Variants in CDH12 observed in about 807,000 individuals in gnomAD.
The protein encoded by CDH12 is cadherin-12.
Under a neutral mutation model 74.1 loss-of-function variants are expected in CDH12, and 41 were observed. The observed-to-expected ratio is 0.55, with a 90% confidence interval of 0.43 to 0.72. The LOEUF (loss-of-function observed/expected upper bound fraction) is 0.72. CDH12 is among the 30% of genes least tolerant of loss of function. The pLI is 0.00. For synonymous variants in CDH12, 399 were observed against 355.0 expected (o/e 1.12, Z -1.39); for missense variants, 945 against 977.2 (o/e 0.97, Z 0.44).
At chr5:22,643,754 TTTTTTTC>T (rs1201903255) in intron 1 of CDH12, among the ~76,000 whole-genome samples, 5 of 139,118 alleles carry the variant, frequency 3.6e-5, no homozygotes, top group Admixed American at 7.6e-5. Context: ...TTTTTTTTTT[TTTTTTTC>T]CACAAATTGA....
At chr5:22,669,967 AT>A (rs1262997776) in intron 1 of CDH12, among the ~76,000 whole-genome samples, 1 of 152,050 alleles carries the variant, frequency 6.6e-6, no homozygotes, top group Non-Finnish European at 1.5e-5. Context: ...TCATGCATTG[AT>A]TTTCACTCTT....
chr5:22,793,031 T>C (rs1315619954), intron 1 of CDH12, among the ~76,000 whole-genome samples: 1 of 152,176 alleles, frequency 6.6e-6, no homozygotes, highest in Non-Finnish European at 1.5e-5. Context: ...TACCCAGAAA[T>C]GACAAGACAC....
chr5:22,628,629 A>G (rs777719592), intron 1 of CDH12, among the ~76,000 whole-genome samples: 6 of 152,080 alleles, frequency 3.9e-5, no homozygotes, highest in Non-Finnish European at 8.8e-5. Context: ...AGCGCTAAAC[A>G]CCAGTGTCAT....
At chr5:22,295,774 C>A (rs1046464342) in intron 3 of CDH12, among the ~76,000 whole-genome samples, 22 of 151,922 alleles carry the variant, frequency 1.4e-4, no homozygotes, top group Non-Finnish European at 3.1e-4. Flanking sequence ...GTAGTATAGG[C>A]TATATGAAAT....
intron 9 of CDH12, among the ~76,000 whole-genome samples, chr5:21,809,289 A>G (rs926472548): frequency 6.6e-6 from 1 of 152,120 alleles, no homozygotes; most frequent in African/African-American, 2.4e-5. Context: ...AAACAAAACA[A>G]AAAAGAATTG....
chr5:22,350,076 A>C (rs1300698776), intron 3 of CDH12, among the ~76,000 whole-genome samples: 1 of 152,214 alleles, frequency 6.6e-6, no homozygotes, highest in South Asian at 2.1e-4. Context: ...AGTTGAAATA[A>C]ATTGAGCTAT....
chr5:22,689,615 A>T (rs1741978816), intron 1 of CDH12, among the ~76,000 whole-genome samples: 1 of 91,804 alleles, frequency 1.1e-5, no homozygotes, highest in Non-Finnish European at 2.3e-5. Flanking sequence ...TTAGTAAAAC[A>T]GGAAAAAAAG....
In CDH12 at chr5:21,996,098, C is replaced by T. The variant is rs1284547772; in HGVS notation, c.232-20713G>A. 9.0e-5 allele frequency among the ~76,000 whole-genome samples: 13 copies of T among 144,306 alleles called. 1 individual carries two copies. Among genetic ancestry groups the T allele is most frequent in the Admixed American group, 7.6e-4 (11 of 14,450 alleles). The allele number at this position is 144,306 out of a possible 152,430, so 94.7% of individuals were successfully genotyped here. ...GTCGGCTCAGGTACTTATAAGTTCACACACACGTTTTTTTTTTTTTTTTTT... is the reference window on the plus strand; with the variant it reads ...GTCGGCTCAGGTACTTATAAGTTCATACACACGTTTTTTTTTTTTTTTTTT... On this transcript the variant is annotated intron_variant, in intron 5 of 14. Transcript: ENST00000382254.
intron 1 of CDH12, among the ~76,000 whole-genome samples, chr5:22,602,201 T>G (rs1477030678): frequency 1.3e-5 from 2 of 152,224 alleles, no homozygotes; most frequent in South Asian, 4.1e-4. Flanking sequence ...TTCTCTCACC[T>G]ATGACTTCCT....
intron 1 of CDH12, among the ~76,000 whole-genome samples, chr5:22,575,347 T>C (rs1739730799): frequency 2.0e-5 from 3 of 152,148 alleles, no homozygotes; most frequent in African/African-American, 7.2e-5. Flanking sequence ...TTTTGTGTAC[T>C]CTGGGCTGAG....
At chr5:22,499,387 T>C (rs1469361289) in intron 2 of CDH12, among the ~76,000 whole-genome samples, 1 of 152,180 alleles carries the variant, frequency 6.6e-6, no homozygotes, top group Non-Finnish European at 1.5e-5. Context: ...TAATCAGTCT[T>C]AGTTTACATG....
chr5:22,531,761 C>T (rs1737590367), intron 1 of CDH12, among the ~76,000 whole-genome samples: 1 of 152,130 alleles, frequency 6.6e-6, no homozygotes, highest in Non-Finnish European at 1.5e-5. Context: ...CAACTGGTAC[C>T]TTCCAATGTA....
intron 6 of CDH12, among the ~76,000 whole-genome samples, chr5:21,893,971 A>C (rs1002752225): frequency 6.6e-6 from 1 of 152,224 alleles, no homozygotes; most frequent in East Asian, 1.9e-4. Context: ...TGAAGAAACC[A>C]TTTACAGTAT....
chr5:22,013,862 C>T (rs1253838853), intron 5 of CDH12, among the ~76,000 whole-genome samples: 2 of 151,814 alleles, frequency 1.3e-5, no homozygotes, highest in East Asian at 1.9e-4. Context: ...ACATTGGCTT[C>T]TAGAAAAAAA....
intron 1 of CDH12, among the ~76,000 whole-genome samples, chr5:22,685,898 A>C (rs1170684732): frequency 1.3e-5 from 2 of 152,094 alleles, no homozygotes; most frequent in African/African-American, 4.8e-5. Flanking sequence ...TTTATTTTTC[A>C]TATATATGCT....
intron 3 of CDH12, among the ~76,000 whole-genome samples, chr5:22,260,038 A>ATACTATCAAATACCAACTCTGGTGG (rs1202246567): frequency 6.6e-6 from 1 of 152,088 alleles, no homozygotes; most frequent in Non-Finnish European, 1.5e-5. Flanking sequence ...TCCAGAAATG[A>ATACTATCAAATACCAACTCTGGTGG]TACTATCAAA....
intron 3 of CDH12, among the ~76,000 whole-genome samples, chr5:22,390,700 A>G (rs1363919903): frequency 6.6e-6 from 1 of 152,182 alleles, no homozygotes; most frequent in Non-Finnish European, 1.5e-5. Context: ...AGCTGGTTTG[A>G]CAATGGCTGT....
intron 4 of CDH12, among the ~76,000 whole-genome samples, chr5:22,154,441 A>G (rs1245424323): frequency 6.1e-5 from 5 of 81,688 alleles, no homozygotes; most frequent in East Asian, 3.4e-4. Context: ...TAGTGAATAT[A>G]TACACATATA....
At chr5:22,600,471 T>C (rs992969355) in intron 1 of CDH12, among the ~76,000 whole-genome samples, 6 of 152,150 alleles carry the variant, frequency 3.9e-5, no homozygotes, top group Non-Finnish European at 1.5e-5. Flanking sequence ...AGCTTTACTG[T>C]ATATAAAATT....
Sources: gnomAD v4.1 joint callset for allele counts (sites outside exome capture counted in the v4.1 genomes callset) on GRCh38, gnomAD v4.1.1 for gene constraint, MANE v1.5 for transcripts, NCBI Gene and HGNC (gene_info 2026-07-23, HGNC 2026-07-21) for gene names.